Variants in SGSH observed in about 807,000 individuals in gnomAD.
SGSH encodes the protein heparan sulfate sulfatase.
A neutral mutation model predicts 51.0 loss-of-function variants in SGSH; 48 were observed. The observed-to-expected ratio is 0.94, with a 90% CI of 0.75 to 1.20. SGSH has a LOEUF of 1.20. Ranked by LOEUF, SGSH falls within the 50% of genes most tolerant of loss-of-function variation. The pLI, the probability that SGSH is intolerant of heterozygous loss-of-function variation, is 0.00. For synonymous variants in SGSH, 321 were observed against 313.4 expected (o/e 1.02, Z -0.26); for missense variants, 662 against 717.8 (o/e 0.92, Z 0.89).
At chr17:80,215,713 G>T (rs1052525102) in intron 2 of SGSH, among the ~76,000 whole-genome samples, 2 of 152,152 alleles carry the variant, frequency 1.3e-5, no homozygotes, top group African/African-American at 4.8e-5. Flanking sequence ...CAGCTACTCG[G>T]GAGGCCGAGG....
chr17:80,214,106 G>C, intron 5 of SGSH, 66 bp downstream of exon 5: 1 of 1,547,444 alleles, frequency 6.5e-7, no homozygotes, highest in Middle Eastern at 1.7e-4. Flanking sequence ...CTGCAAGCTC[G>C]TAGGAGGCCA....
chr17:80,210,865 T>C lies in SGSH; in HGVS notation c.1096A>G (p.Ser366Gly). 3 of 1,613,428 alleles carry C rather than the reference T, an allele frequency of 1.9e-6. No homozygotes were observed. The highest frequency in any genetic ancestry group is 2.5e-6 in the Non-Finnish European group (3 of 1,179,988). ...PLWATVFGSQ[S>G]HHEVTMSYPM... ...TAGGACATGGTGACCTCGTGGTGGC[T>C]CTGGCTGCCAAAGACGGTGGCCCAG... Residue 366 changes from serine to glycine, a missense_variant, in exon 8 of 8, where the codon AGC (serine) becomes GGC (glycine). Ser to Gly is a moderately conservative substitution (Grantham distance 56, BLOSUM62 0). Transcript: ENST00000326317.
At chr17:80,201,831 G>A, downstream of SGSH, 1 of 1,614,036 alleles carries the variant, frequency 6.2e-7, no homozygotes, top group Non-Finnish European at 8.5e-7. The surrounding 1 kb of genome is among the most constrained non-coding windows in gnomAD (Gnocchi z 5.0). Context: ...CAGGAGGGTG[G>A]ACGGCTTCTG....
At chr17:80,215,373 C>T (rs1308334113) in intron 2 of SGSH, among the ~76,000 whole-genome samples, 1 of 152,244 alleles carries the variant, frequency 6.6e-6, no homozygotes, top group Non-Finnish European at 1.5e-5. Flanking sequence ...GCAGGGCGTG[C>T]ACCGACACGA....
downstream of SGSH, chr17:80,207,004 GTGTC>G (rs1321765275): frequency 3.1e-6 from 5 of 1,613,924 alleles, no homozygotes; most frequent in Non-Finnish European, 4.2e-6. Flanking sequence ...CAGCTGGACA[GTGTC>G]TGCACCCTGC....
chr17:80,205,109 G>T (rs538251591), downstream of SGSH: 1 of 1,613,542 alleles, frequency 6.2e-7, no homozygotes, highest in Non-Finnish European at 8.5e-7. Flanking sequence ...CCATCGACCC[G>T]CCCGGCCCCG....
intron 2 of SGSH, chr17:80,216,683 C>A (rs1454243432): frequency 6.6e-6 from 2 of 305,050 alleles, no homozygotes; most frequent in South Asian, 5.0e-5. Context: ...CTGAGTGAGC[C>A]CACCAGGCCT....
downstream of SGSH, chr17:80,204,091 C>T (rs972319317): frequency 9.9e-6 from 9 of 912,436 alleles, no homozygotes; most frequent in Non-Finnish European, 1.3e-5. Flanking sequence ...TGCAGACACA[C>T]CTCAGGCTGT....
intron 3 of SGSH, 60 bp from the exon 4 acceptor site, chr17:80,214,825 T>G: frequency 6.3e-7 from 1 of 1,584,176 alleles, no homozygotes; most frequent in Non-Finnish European, 8.6e-7. Flanking sequence ...TTCTGCTCCC[T>G]TCTCTGCCCC....
downstream of SGSH, chr17:80,202,588 T>C: frequency 7.0e-7 from 1 of 1,433,806 alleles, no homozygotes; most frequent in East Asian, 2.5e-5. Flanking sequence ...TGTTTCTTTG[T>C]GATGGATGCT....
intron 1 of SGSH, 183 bp downstream of exon 1, chr17:80,220,043 C>T (rs2042084356): frequency 1.9e-6 from 1 of 518,680 alleles, no homozygotes; most frequent in Admixed American, 3.8e-5. Context: ...TTGCTGCCCT[C>T]TCTGGGGAGA....
In SGSH at chr17:80,209,402, C is replaced by G. The variant is rs1156924393; in HGVS notation, c.*1050G>C. The G allele has an allele frequency of 9.1e-6, 9 of 985,398 alleles. No individual in the cohort carries two copies. The highest frequency in any genetic ancestry group is 1.1e-5 in the Non-Finnish European group (9 of 830,010). 61.0% of individuals were successfully genotyped at this position (985,398 alleles called of 1,614,324 possible). A position where few individuals can be genotyped will look rare whatever the true frequency, so the allele number is the denominator to read the frequency against. On this transcript the variant is annotated 3_prime_UTR_variant, in exon 8 of 8. Coordinates refer to ENST00000326317, the MANE Select transcript of SGSH (RefSeq NM_000199.5). ...GGAGGGAAGGGCAAGGGGAGCCCAC[C>G]TACTCAAGGAAGCGCCCTCTCCTTC...
At position 80,213,432 on chromosome 17, in the gene SGSH, T is replaced by G. The variant is rs1463880113; in HGVS notation, c.745+372A>C. 1 of 289,024 alleles carries G rather than the reference T, an allele frequency of 3.5e-6. No individual in the cohort carries two copies. The highest frequency in any genetic ancestry group is 6.6e-6 in the Non-Finnish European group (1 of 150,848). The allele number at this position is 289,024 out of a possible 1,614,324, so 17.9% of individuals were successfully genotyped here. A position where few individuals can be genotyped will look rare whatever the true frequency, so the allele number is the denominator to read the frequency against. The stretch of plus-strand genomic sequence containing the variant: ...GCCTCCTGAACTGTGGGAGTACAAA[T>G]TTTGGTTGCTGTAAGCCATCAACCA... On this transcript the variant is annotated intron_variant, in intron 6 of 7. Coordinates refer to ENST00000326317, the MANE Select transcript of SGSH (RefSeq NM_000199.5). This position sits in a 1 kb window ranked among gnomAD's most constrained non-coding sequence, Gnocchi z 4.6.
downstream of SGSH, chr17:80,205,444 T>G (rs1598714058): frequency 6.6e-7 from 1 of 1,517,054 alleles, no homozygotes. Flanking sequence ...GCTGGCAGGG[T>G]TCACGGGGAC....
Position 80,217,170 on chromosome 17 carries a change from A to T in SGSH, c.111T>A (p.Ser37Arg), listed in dbSNP as rs1434209913. 4 of 1,601,390 alleles carry T rather than the reference A, an allele frequency of 2.5e-6. No homozygotes were observed. In the South Asian group the frequency reaches 3.4e-5, roughly 13 times the overall value. ...CGATGGCGCTGTTGTTGTACGCGCC[A>T]CTCTCAAAGCCTCCGTCATCCGCTG... is the stretch of plus-strand genomic sequence containing the variant. ...LLLADDGGFE[S>R]GAYNNSAIAT... The change falls in exon 2 of 8, where the codon AGT (serine) becomes AGA (arginine). Residue 37 changes from serine to arginine, a missense_variant. Physicochemically the swap from Ser to Arg is moderately radical, Grantham distance 110. Transcript: ENST00000326317.
At chr17:80,209,236 C>T (rs894161847), downstream of SGSH, 4 of 859,336 alleles carry the variant, frequency 4.7e-6, no homozygotes, top group African/African-American at 7.3e-5. Flanking sequence ...GTCCAAGAAT[C>T]AGGAAGCTGT....
downstream of SGSH, among the ~76,000 whole-genome samples, chr17:80,206,136 C>T (rs996014855): frequency 6.6e-6 from 1 of 152,208 alleles, no homozygotes; most frequent in African/African-American, 2.4e-5. Context: ...GGGATGGAAA[C>T]TCTTAATACT....
Position 80,220,277 on chromosome 17 carries a change from G to A in SGSH, c.37C>T (p.Leu13=), listed in dbSNP as rs1412578109. The change falls in exon 1 of 8, where the codon CTA becomes TTA. Residue 13 remains leucine (L), a synonymous_variant. Transcript: ENST00000326317. ...CPVPACCALL[L]VLGLCRARPR... The stretch of plus-strand genomic sequence containing the variant: ...CGCGCCCGGCAGAGCCCCAGGACTA[G>A]CAGCAGCGCGCAGCAGGCGGGCACG... The A allele has an allele frequency of 3.9e-6, 6 of 1,519,900 alleles. 1 individual carries two copies. The Admixed American group carries it at 1.2e-4, about 30-fold the overall frequency. The allele number at this position is 1,519,900 out of a possible 1,614,324, so 94.2% of individuals were successfully genotyped here. A position where few individuals can be genotyped will look rare whatever the true frequency, so the allele number is the denominator to read the frequency against.
downstream of SGSH, chr17:80,204,314 G>A (rs761853579): frequency 3.1e-6 from 5 of 1,589,940 alleles, no homozygotes; most frequent in South Asian, 3.4e-5. Flanking sequence ...CTTTGACAGG[G>A]GCCAGTTGGA....
Sources: allele counts gnomAD v4.1 joint callset (sites outside exome capture counted in the v4.1 genomes callset), GRCh38; gene constraint gnomAD v4.1.1; non-coding constraint Gnocchi (gnomAD v3.1); transcripts MANE v1.5; gene names NCBI Gene and HGNC (gene_info 2026-07-23, HGNC 2026-07-21).